The following C18orf63 variants were observed in gnomAD, a reference collection of about 807,000 sequenced individuals.
The protein encoded by C18orf63 is uncharacterized protein C18orf63.
In C18orf63, 50 loss-of-function variants were observed where a neutral mutation model predicts 75.3. The ratio of observed to expected loss-of-function variants is 0.66; its 90% CI spans 0.53 to 0.84. The LOEUF (loss-of-function observed/expected upper bound fraction) is 0.84, where lower values mean the gene tolerates loss of function less well. Ranked by LOEUF, C18orf63 falls within the 40% of genes least tolerant of loss-of-function variation. The pLI is 0.00. For synonymous variants in C18orf63, 232 were observed against 267.6 expected, an observed-to-expected ratio of 0.87 and a Z score of 1.30; for missense variants, 732 against 800.2, an observed-to-expected ratio of 0.91 and a Z score of 1.03.
intron 7 of C18orf63, 66 bp from the exon 8 acceptor site, chr18:74,338,649 T>C: frequency 1.6e-6 from 1 of 610,144 alleles, no homozygotes; most frequent in Admixed American, 3.6e-5. Flanking sequence ...CAAATATGTA[T>C]CTTTTAAAAT....
intron 6 of C18orf63, among the ~76,000 whole-genome samples, chr18:74,330,236 A>G (rs1984282416): frequency 6.6e-6 from 1 of 152,222 alleles, no homozygotes; most frequent in African/African-American, 2.4e-5. Flanking sequence ...TGTCTAGCTC[A>G]TTGAATTTTA....
intron 5 of C18orf63, 110 bp downstream of exon 5, chr18:74,328,168 T>C (rs1043354810): frequency 1.5e-6 from 1 of 656,384 alleles, no homozygotes; most frequent in Non-Finnish European, 2.6e-6. Flanking sequence ...GACTGGAAAA[T>C]TTATAAAGGA....
At chr18:74,319,027 A>C (rs1984074505) in intron 2 of C18orf63, among the ~76,000 whole-genome samples, 1 of 152,156 alleles carries the variant, frequency 6.6e-6, no homozygotes, top group South Asian at 2.1e-4. Context: ...CTTATTTACA[A>C]AGTTTTTCTT....
chr18:74,318,152 A>G (rs1392651203), intron 2 of C18orf63, among the ~76,000 whole-genome samples, 153 bp downstream of exon 2: 1 of 152,226 alleles, frequency 6.6e-6, no homozygotes, highest in East Asian at 1.9e-4. Flanking sequence ...TTGACCAGGT[A>G]TATTGGATTA....
At chr18:74,332,619 C>G (rs1343504071) in intron 7 of C18orf63, among the ~76,000 whole-genome samples, 1 of 151,558 alleles carries the variant, frequency 6.6e-6, no homozygotes, top group East Asian at 2.0e-4. Context: ...AGGAGAGTTG[C>G]TAGAACTGAG....
chr18:74,342,004 C>T (rs1272059849), intron 8 of C18orf63, 28 bp from the exon 9 acceptor site: 1 of 1,137,602 alleles, frequency 8.8e-7, no homozygotes, highest in South Asian at 1.4e-5. Flanking sequence ...AGCATTGGCT[C>T]ATAATAGCTT....
chr18:74,354,169 C>T lies in C18orf63; in HGVS notation c.1902C>T (p.His634=), dbSNP rs1379489494. The T allele has an allele frequency of 3.3e-6, 5 of 1,536,234 alleles. No homozygotes were observed. Among genetic ancestry groups the T allele is most frequent in the Non-Finnish European group, 4.4e-6 (5 of 1,146,892 alleles). Residue 634 remains histidine, a synonymous_variant, in exon 12 of 14, where the codon CAC becomes CAT. Transcript: ENST00000579455. ...GGTTGATAGTAAGCAAAATAGCCCA[C>T]AGGTCTAAAAGAAAATTATGTCCAG... The part of the protein sequence containing the change: ...DHRLIVSKIA[H]RSKRKLCPES...
intron 11 of C18orf63, among the ~76,000 whole-genome samples, chr18:74,352,025 G>T (rs1360698950): frequency 6.6e-6 from 1 of 151,962 alleles, no homozygotes; most frequent in East Asian, 1.9e-4. Flanking sequence ...GAGATGAGTG[G>T]ATAAAATATG....
chr18:74,326,841 A>G (rs533205062), intron 4 of C18orf63, among the ~76,000 whole-genome samples: 9 of 152,298 alleles, frequency 5.9e-5, no homozygotes, highest in African/African-American at 2.2e-4. Flanking sequence ...TAATTTTTAA[A>G]ATTAATTTTG....
rs1008986827 is a variant in C18orf63, at chr18:74,357,674, G to C, written c.*1227G>C. 2.8e-5 allele frequency: 3 copies of C among 107,282 alleles called. No homozygotes were observed. Among genetic ancestry groups the C allele is most frequent in the Non-Finnish European group, 6.8e-5 (3 of 44,346 alleles). 6.6% of individuals were successfully genotyped at this position (107,282 alleles called of 1,614,324 possible). ...TAAACCATTGCAATTAAAAGCAAAA[G>C]TAAACAAACTCTCCTTCAAACGTTA... On this transcript the variant is annotated 3_prime_UTR_variant, in exon 14 of 14. Coordinates refer to ENST00000579455, the MANE Select transcript of C18orf63 (RefSeq NM_001174123.2).
chr18:74,347,803 CAT>C (rs1984598530), intron 11 of C18orf63, among the ~76,000 whole-genome samples: 1 of 152,156 alleles, frequency 6.6e-6, no homozygotes, highest in African/African-American at 2.4e-5. Flanking sequence ...TTTGTTTTAA[CAT>C]ATAGAAAATG....
intron 11 of C18orf63, 60 bp from the exon 12 acceptor site, chr18:74,353,186 C>T: frequency 1.9e-6 from 2 of 1,052,084 alleles, no homozygotes; most frequent in Non-Finnish European, 2.7e-6. Context: ...TATTTTATTT[C>T]TTTTCCATTA....
chr18:74,325,653 G>A (rs528695814), intron 4 of C18orf63, among the ~76,000 whole-genome samples: 1 of 152,172 alleles, frequency 6.6e-6, no homozygotes, highest in Admixed American at 6.5e-5. Flanking sequence ...GAATTTCTCT[G>A]TTTCTCCTTG....
chr18:74,354,221 C>G lies in C18orf63; in HGVS notation c.1954C>G (p.His652Asp). 6.5e-7 allele frequency: 1 copy of G among 1,534,778 alleles called. No individual in the cohort carries two copies. The highest frequency in any genetic ancestry group is 8.7e-7 in the Non-Finnish European group (1 of 1,146,552). The stretch of plus-strand genomic sequence containing the variant: ...GTCTTCCAAAACTTCAAAGAAGCAT[C>G]ATTCCGATACTGTGCACTATGGCCA... Reference protein sequence around the residue: ...PESSKTSKKHHSDTVHYGQSS... With the variant: ...PESSKTSKKHDSDTVHYGQSS... The change falls in exon 12 of 14, where the codon CAT becomes GAT. Residue 652 changes from histidine (H) to aspartate (D), a missense_variant. By Grantham distance (81) the His-to-Asp change is moderately conservative. This residue lies in a region of C18orf63 where 495 missense variants were observed against 508.7 expected (regional missense o/e 0.97). Transcript: ENST00000579455.
chr18:74,325,837 T>C (rs548544484), intron 4 of C18orf63, among the ~76,000 whole-genome samples: 12 of 152,352 alleles, frequency 7.9e-5, no homozygotes, highest in African/African-American at 2.9e-4. Flanking sequence ...AGAGAATTTG[T>C]CCTTGACTTT....
intron 4 of C18orf63, 55 bp downstream of exon 4, chr18:74,322,809 TCCACTCC>T: frequency 3.3e-6 from 2 of 605,358 alleles, no homozygotes; most frequent in Non-Finnish European, 5.1e-6. Flanking sequence ...GATTATACGT[TCCACTCC>T]TTTTGTCAAC....
chr18:74,328,049 T>G lies in C18orf63; in HGVS notation c.373T>G (p.Leu125Val). 2 of 1,518,552 alleles carry G rather than the reference T, an allele frequency of 1.3e-6. No homozygotes were observed. Among genetic ancestry groups the G allele is most frequent in the South Asian group, 1.2e-5 (1 of 83,628 alleles). The allele number at this position is 1,518,552 out of a possible 1,614,324, so 94.1% of individuals were successfully genotyped here. A position where few individuals can be genotyped will look rare whatever the true frequency, so the allele number is the denominator to read the frequency against. Residue 125 changes from leucine to valine, a missense_variant, in exon 5 of 14, where the codon TTG becomes GTG. By Grantham distance (32) the Leu-to-Val change is conservative. Transcript: ENST00000579455. ...APAWNRTGHL[L>V]IQGRDFLSQM... ...AGCCTGGAATAGAACTGGTCATCTC[T>G]TGATACAAGGTAACTTTATCTTTTT...
intron 11 of C18orf63, among the ~76,000 whole-genome samples, chr18:74,349,409 G>A (rs1274612508): frequency 6.6e-6 from 1 of 152,108 alleles, no homozygotes; most frequent in Admixed American, 6.5e-5. Context: ...TATAGCAGGG[G>A]TCCCCAACCC....
rs1051446557 is a variant in C18orf63, at chr18:74,324,601, C to T, written c.270+1847C>T. On this transcript the variant is annotated intron_variant, in intron 4 of 13. Transcript: ENST00000579455. ...GACTTACTGTATTGATTTAATAAAG[C>T]AACATTTATACTAAGCATCATCATT... 7.9e-5 allele frequency among the ~76,000 whole-genome samples: 12 copies of T among 152,062 alleles called. 1 individual carries two copies. Among genetic ancestry groups the T allele is most frequent in the African/African-American group, 2.7e-4 (11 of 41,400 alleles).
Sources: allele counts gnomAD v4.1 joint callset (sites outside exome capture counted in the v4.1 genomes callset), GRCh38; gene constraint gnomAD v4.1.1; regional missense constraint gnomAD v4.1.1; transcripts MANE v1.5; gene names NCBI Gene and HGNC (gene_info 2026-07-23, HGNC 2026-07-21).